The following MCF2L2 variants were observed in gnomAD, a reference collection of about 807,000 sequenced individuals.
MCF2L2 encodes the protein probable guanine nucleotide exchange factor MCF2L2.
In MCF2L2, 102 loss-of-function variants were observed where a neutral mutation model predicts 150.2. That is an observed-to-expected ratio of 0.68 (90% CI 0.58 to 0.80). The LOEUF (loss-of-function observed/expected upper bound fraction) is 0.80. Ranked by LOEUF, MCF2L2 falls within the 30% of genes least tolerant of loss-of-function variation. The pLI, the probability that MCF2L2 is intolerant of heterozygous loss-of-function variation, is 0.00. For missense variants in MCF2L2, 1,256 were observed against 1,372.8 expected, an observed-to-expected ratio of 0.91 and a Z score of 1.34; for synonymous variants, 465 against 491.3, an observed-to-expected ratio of 0.95 and a Z score of 0.71.
chr3:183,319,323 T>G (rs761826121), intron 6 of MCF2L2, among the ~76,000 whole-genome samples: 1 of 152,232 alleles, frequency 6.6e-6, no homozygotes, highest in Non-Finnish European at 1.5e-5. Flanking sequence ...TCTAGTTCTC[T>G]TGCTATTTCC....
rs1391270328 is a variant in MCF2L2, at chr3:183,289,174, C to G, written c.1722G>C (p.Glu574Asp). The G allele has an allele frequency of 6.2e-7, 1 of 1,614,046 alleles. No homozygotes were observed. The highest frequency in any genetic ancestry group is 8.5e-7 in the Non-Finnish European group (1 of 1,179,960). ...CCTTTCCCCGGGAGTTCAACTCTGT[C>G]TCCGTATAAGGTTCCTCAGACGTTC... The part of the protein sequence containing the change: ...PLRTSEEPYT[E>D]TELNSRGKED... The change falls in exon 14 of 30, where the codon GAG (glutamate) becomes GAC (aspartate). Residue 574 changes from glutamate to aspartate, a missense_variant. Transcript: ENST00000328913.
At chr3:183,354,486 C>T (rs967025026) in intron 3 of MCF2L2, among the ~76,000 whole-genome samples, 13 of 150,254 alleles carry the variant, frequency 8.7e-5, no homozygotes, top group African/African-American at 2.9e-4. Flanking sequence ...CACCCTCCCA[C>T]CCCACCCCAC....
In MCF2L2 at chr3:183,296,998, A is replaced by G; in HGVS notation, c.1475T>C (p.Leu492Ser). 1.2e-6 allele frequency: 2 copies of G among 1,613,946 alleles called. No homozygotes were observed. The highest frequency in any genetic ancestry group is 1.7e-6 in the Non-Finnish European group (2 of 1,179,922). ...TACCTTTGCATCGAGGGTGAGCAGC[A>G]ACTCAAACTCGTTGTAAAACTCCTT... The part of the protein sequence containing the change: ...SPKEFYNEFE[L>S]LLTLDAKAKA... Residue 492 changes from leucine to serine, a missense_variant, in exon 12 of 30, where the codon TTG becomes TCG. Physicochemically the swap from Leu to Ser is moderately radical, Grantham distance 145. Transcript: ENST00000328913.
At chr3:183,309,942 A>G in intron 9 of MCF2L2, 107 bp from the exon 10 acceptor site, 1 of 1,326,424 alleles carries the variant, frequency 7.5e-7, no homozygotes, top group South Asian at 1.3e-5. Flanking sequence ...AGGATTCAAG[A>G]CTTGTATATA....
In MCF2L2 at chr3:183,296,639, T is replaced by C. The variant is rs111498040; in HGVS notation, c.1497+337A>G. ...CATTTTTGTGTGATTATTTTGTTAATGTCAGCCTCTCCCACAAACTGTAAG... is the reference window on the plus strand; with the variant it reads ...CATTTTTGTGTGATTATTTTGTTAACGTCAGCCTCTCCCACAAACTGTAAG... On this transcript the variant is annotated intron_variant, in intron 12 of 29. Coordinates refer to ENST00000328913, the MANE Select transcript of MCF2L2 (RefSeq NM_015078.4). 7.7e-4 allele frequency: 160 copies of C among 206,520 alleles called. 2 individuals carry two copies. The East Asian group carries it at 9.7e-3, about 13-fold the overall frequency. 12.8% of individuals were successfully genotyped at this position (206,520 alleles called of 1,614,324 possible).
chr3:183,383,576 G>A (rs1713660233), intron 2 of MCF2L2, among the ~76,000 whole-genome samples: 1 of 151,852 alleles, frequency 6.6e-6, no homozygotes, highest in Admixed American at 6.6e-5. Context: ...GTCACTCCAG[G>A]TATCTGATCA....
At chr3:183,336,723 G>A (rs577235243) in intron 5 of MCF2L2, among the ~76,000 whole-genome samples, 18 of 151,688 alleles carry the variant, frequency 1.2e-4, no homozygotes, top group African/African-American at 3.1e-4. Context: ...GCGTGGTGGC[G>A]GGTGCCTATA....
chr3:183,261,922 G>A (rs1725619172), intron 15 of MCF2L2, among the ~76,000 whole-genome samples: 1 of 145,328 alleles, frequency 6.9e-6, no homozygotes, highest in Non-Finnish European at 1.5e-5. Context: ...TCCATTCATG[G>A]TTCAGACAAC....
chr3:183,237,812 T>C lies in MCF2L2; in HGVS notation c.1863-6795A>G, dbSNP rs1163376509. ...GATGTTAGGGTGTCAATTTTGGATC[T>C]TTCCTGCTTTCTCTTGTAGGCATTT... is the stretch of plus-strand genomic sequence containing the variant. On this transcript the variant is annotated intron_variant, in intron 15 of 29. Coordinates refer to ENST00000328913, the MANE Select transcript of MCF2L2 (RefSeq NM_015078.4). 1.5e-3 allele frequency among the ~76,000 whole-genome samples: 50 copies of C among 34,284 alleles called. 1 individual carries two copies. Among genetic ancestry groups the C allele is most frequent in the African/African-American group, 5.5e-3 (47 of 8,512 alleles). 22.5% of individuals were successfully genotyped at this position (34,284 alleles called of 152,430 possible). A position where few individuals can be genotyped will look rare whatever the true frequency, so the allele number is the denominator to read the frequency against.
intron 27 of MCF2L2, among the ~76,000 whole-genome samples, chr3:183,184,924 T>C (rs1576904885): frequency 1.2e-5 from 1 of 85,128 alleles, no homozygotes; most frequent in Non-Finnish European, 2.1e-5. Context: ...TTTCTTTTTC[T>C]TTTTTTTTTT....
At chr3:183,384,731 G>C (rs1560051020) in intron 2 of MCF2L2, among the ~76,000 whole-genome samples, 1 of 152,170 alleles carries the variant, frequency 6.6e-6, no homozygotes, top group African/African-American at 2.4e-5. Context: ...AACCGGCTCT[G>C]CATGAATTAC....
intron 25 of MCF2L2, among the ~76,000 whole-genome samples, chr3:183,202,194 G>C (rs927108069): frequency 3.3e-5 from 5 of 152,148 alleles, no homozygotes; most frequent in Admixed American, 6.5e-5. Context: ...CTGCAAGTCT[G>C]TCTTTATTAG....
At chr3:183,184,028 T>A (rs1397074268) in intron 27 of MCF2L2, among the ~76,000 whole-genome samples, 1 of 152,210 alleles carries the variant, frequency 6.6e-6, no homozygotes, top group Non-Finnish European at 1.5e-5. Context: ...TTTTTTTGTT[T>A]GTTTTTGAGA....
rs1231842350 is a variant in MCF2L2 at position 183,283,635 on chromosome 3, C to T, written c.1776+5485G>A. Among the ~76,000 whole-genome samples, 1 of 152,048 alleles carries T rather than the reference C, an allele frequency of 6.6e-6. No individual in the cohort carries two copies. The highest frequency in any genetic ancestry group is 6.6e-5 in the Admixed American group (1 of 15,262). On this transcript the variant is annotated intron_variant, in intron 14 of 29. Coordinates refer to ENST00000328913, the MANE Select transcript of MCF2L2 (RefSeq NM_015078.4). The surrounding 1 kb of genome is among the most constrained non-coding windows in gnomAD (Gnocchi z 4.2). Reference sequence around the variant, plus strand: ...CTCCCAGGTTCAAGTGATTCTCCTGCCTCAGCCTCCTGAGTAGCTGGGATT... The same window carrying T: ...CTCCCAGGTTCAAGTGATTCTCCTGTCTCAGCCTCCTGAGTAGCTGGGATT...
At position 183,232,168 on chromosome 3, in the gene MCF2L2, G is replaced by A. The variant is rs539307142; in HGVS notation, c.1863-1151C>T. On this transcript the variant is annotated intron_variant, in intron 15 of 29. Coordinates refer to ENST00000328913, the MANE Select transcript of MCF2L2 (RefSeq NM_015078.4). ...ACTTTTGAGATGGAGGGGGCCAGAT[G>A]GAATGGAATGTGGGCAGCCGTAGGA... Among the ~76,000 whole-genome samples, 12 of 152,290 alleles carry A rather than the reference G, an allele frequency of 7.9e-5. 1 individual carries two copies. The East Asian group carries it at 2.3e-3, about 29-fold the overall frequency.
intron 3 of MCF2L2, among the ~76,000 whole-genome samples, chr3:183,352,675 G>C (rs1308741945): frequency 1.1e-4 from 16 of 152,120 alleles, no homozygotes; most frequent in Non-Finnish European, 1.6e-4. Context: ...AGTAGCTCTT[G>C]AGTAAAAAAA....
chr3:183,196,185 G>C (rs916208775), intron 25 of MCF2L2, among the ~76,000 whole-genome samples: 1 of 152,098 alleles, frequency 6.6e-6, no homozygotes, highest in African/African-American at 2.4e-5. Context: ...CCAAGCCCTA[G>C]CTGACTCCAT....
At chr3:183,377,539 T>G (rs1713259075) in intron 3 of MCF2L2, 1 of 152,108 alleles carries the variant, frequency 6.6e-6, no homozygotes, top group Non-Finnish European at 1.5e-5. Context: ...GCTGGAGATT[T>G]TAAAAACGAA....
intron 3 of MCF2L2, among the ~76,000 whole-genome samples, chr3:183,352,197 A>G (rs1711521535): frequency 6.6e-6 from 1 of 152,106 alleles, no homozygotes; most frequent in Non-Finnish European, 1.5e-5. Context: ...TCCATGTTCT[A>G]TGTAGGAGAA....
Sources: allele counts gnomAD v4.1 joint callset (sites outside exome capture counted in the v4.1 genomes callset), GRCh38; gene constraint gnomAD v4.1.1; non-coding constraint Gnocchi (gnomAD v3.1); transcripts MANE v1.5; gene names NCBI Gene and HGNC (gene_info 2026-07-23, HGNC 2026-07-21).